The following PEX5L variants were observed in gnomAD, a reference collection of about 807,000 sequenced individuals.
The protein encoded by PEX5L is PEX5-related protein.
Under a neutral mutation model 84.0 loss-of-function variants are expected in PEX5L, and 30 were observed. The ratio of observed to expected loss-of-function variants is 0.36; its 90% confidence interval spans 0.27 to 0.48. The LOEUF (loss-of-function observed/expected upper bound fraction) is 0.48. Ranked by LOEUF, PEX5L falls within the 20% of genes least tolerant of loss-of-function variation. The pLI is 0.99. For missense variants in PEX5L, 533 were observed against 754.6 expected (o/e 0.71, Z 3.44); for synonymous variants, 270 against 283.1 (o/e 0.95, Z 0.46).
chr3:179,919,023 A>G (rs1174130480), intron 2 of PEX5L, among the ~76,000 whole-genome samples: 2 of 152,224 alleles, frequency 1.3e-5, no homozygotes, highest in Non-Finnish European at 2.9e-5. Flanking sequence ...AACATTCCAC[A>G]GGTTCTAGGG....
intron 1 of PEX5L, among the ~76,000 whole-genome samples, chr3:180,022,748 T>C (rs1286391451): frequency 6.6e-6 from 1 of 152,200 alleles, no homozygotes; most frequent in African/African-American, 2.4e-5. Context: ...TCAATATTAT[T>C]CTGGCCTTCT....
chr3:179,880,029 T>C lies in PEX5L; in HGVS notation c.405A>G (p.Ser135=). The change falls in exon 5 of 15, where the codon TCA becomes TCG. Residue 135 remains serine (S), a synonymous_variant. Coordinates refer to ENST00000467460, the MANE Select transcript of PEX5L (RefSeq NM_016559.3). ...AKKSEPSSKT[S]SLKKKADGSD... is the part of the protein sequence containing the mutation. The stretch of plus-strand genomic sequence containing the variant: ...ATCCATCGGCCTTTTTCTTGAGGGA[T>C]GAGGTTTTTGATGAGGGCTCTGACT... 1.9e-6 allele frequency: 3 copies of C among 1,614,016 alleles called. No homozygotes were observed. The highest frequency in any genetic ancestry group is 2.5e-6 in the Non-Finnish European group (3 of 1,179,918).
Position 179,923,301 on chromosome 3 carries a change from A to AAAC in PEX5L, c.94-25056_94-25055insGTT, listed in dbSNP as rs1553900534. Among the ~76,000 whole-genome samples, 86 of 143,310 alleles carry AAAC rather than the reference A, an allele frequency of 6.0e-4. 4 individuals carry two copies. The East Asian group carries it at 0.012, about 19-fold the overall frequency. 94.0% of individuals were successfully genotyped at this position (143,310 alleles called of 152,430 possible). A position where few individuals can be genotyped will look rare whatever the true frequency, so the allele number is the denominator to read the frequency against. On this transcript the variant is annotated intron_variant, in intron 2 of 14. Coordinates refer to ENST00000467460, the MANE Select transcript of PEX5L (RefSeq NM_016559.3). ...GCGAGACTCCATCTCAAAAAAAAAA[A>AAAC]AAAAAAAAAACACCCTCAAGTGAAT...
chr3:179,798,338 G>C lies in PEX5L; in HGVS notation c.*3490C>G, dbSNP rs1210021959. 6.6e-6 allele frequency: 1 copy of C among 152,090 alleles called. No homozygotes were observed. Among genetic ancestry groups the C allele is most frequent in the Non-Finnish European group, 1.5e-5 (1 of 68,032 alleles). 9.4% of individuals were successfully genotyped at this position (152,090 alleles called of 1,614,324 possible). Reference sequence around the variant, plus strand: ...GTGGACGAGATCTACCCATTTTTCAGGAGTCATGGGGAGTGAGTTTTGGAG... The same window carrying C: ...GTGGACGAGATCTACCCATTTTTCACGAGTCATGGGGAGTGAGTTTTGGAG... On this transcript the variant is annotated 3_prime_UTR_variant, in exon 15 of 15. Coordinates refer to ENST00000467460, the MANE Select transcript of PEX5L (RefSeq NM_016559.3).
chr3:179,988,687 C>G lies in PEX5L; in HGVS notation c.22-17022G>C, dbSNP rs186563210. ...TTTCTCAAGAAGGAACTTGCTGGTG[C>G]TCAGTTGTCTTTAAGTGTGTATGTA... is the stretch of plus-strand genomic sequence containing the variant. On this transcript the variant is annotated intron_variant, in intron 1 of 14. Transcript: ENST00000467460. 3.3e-3 allele frequency among the ~76,000 whole-genome samples: 498 copies of G among 152,290 alleles called. 8 individuals carry two copies. The highest frequency in any genetic ancestry group is 2.7e-3 in the East Asian group (14 of 5,182).
intron 2 of PEX5L, among the ~76,000 whole-genome samples, chr3:179,936,359 G>A (rs1774603187): frequency 6.6e-6 from 1 of 152,098 alleles, no homozygotes; most frequent in African/African-American, 2.4e-5. Context: ...GGAAGACAAA[G>A]GAATAAAAGA....
At chr3:179,921,361 G>A (rs1176928057) in intron 2 of PEX5L, among the ~76,000 whole-genome samples, 1 of 152,070 alleles carries the variant, frequency 6.6e-6, no homozygotes, top group South Asian at 2.1e-4. Flanking sequence ...AATCAAACAG[G>A]TGCTTAAGGA....
intron 7 of PEX5L, among the ~76,000 whole-genome samples, chr3:179,873,348 C>A (rs149108496): frequency 6.6e-6 from 1 of 152,114 alleles, no homozygotes; most frequent in Non-Finnish European, 1.5e-5. Flanking sequence ...TTGGTTTCAA[C>A]ATCTAGTAAG....
At chr3:179,989,586 T>C (rs1423386828) in intron 1 of PEX5L, among the ~76,000 whole-genome samples, 1 of 152,214 alleles carries the variant, frequency 6.6e-6, no homozygotes, top group Non-Finnish European at 1.5e-5. Context: ...GACATATTTA[T>C]ATCTCAATGT....
chr3:179,908,383 C>T (rs1486863092), intron 2 of PEX5L, among the ~76,000 whole-genome samples: 1 of 152,326 alleles, frequency 6.6e-6, no homozygotes, highest in African/African-American at 2.4e-5. Context: ...GGCACCAACA[C>T]CCAGACTGGA....
intron 1 of PEX5L, among the ~76,000 whole-genome samples, 159 bp downstream of exon 1, chr3:180,036,420 G>A (rs1486417504): frequency 1.3e-5 from 2 of 152,302 alleles, no homozygotes; most frequent in East Asian, 3.9e-4. Context: ...AACCGGTCTA[G>A]TTTTCCCGGC....
intron 2 of PEX5L, among the ~76,000 whole-genome samples, chr3:179,928,108 G>T (rs1461579340): frequency 6.6e-6 from 1 of 152,114 alleles, no homozygotes; most frequent in East Asian, 1.9e-4. Context: ...GGGACTATCT[G>T]CCTGTTCCTT....
intron 1 of PEX5L, among the ~76,000 whole-genome samples, chr3:179,997,869 A>T (rs1204183931): frequency 6.6e-6 from 1 of 152,228 alleles, no homozygotes; most frequent in Non-Finnish European, 1.5e-5. Context: ...TCAGCTGGCA[A>T]GACAAGCAAT....
At chr3:179,827,005 A>G (rs1425250675) in intron 8 of PEX5L, among the ~76,000 whole-genome samples, 1 of 152,204 alleles carries the variant, frequency 6.6e-6, no homozygotes, top group East Asian at 1.9e-4. Flanking sequence ...AAAAGAGATG[A>G]AGTTACTTGC....
At position 180,036,572 on chromosome 3, in the gene PEX5L, G is replaced by A. The variant is rs768442141; in HGVS notation, c.21+7C>T. The stretch of plus-strand genomic sequence containing the variant: ...GAATTCTCTCCAGCCCTATAGAAAT[G>A]TCTTACCTGCATGTGTCCCTGGTAC... On this transcript the variant is annotated splice_region_variant and intron_variant, in intron 1 of 14. Coordinates refer to ENST00000467460, the MANE Select transcript of PEX5L (RefSeq NM_016559.3). The A allele has an allele frequency of 6.2e-6, 10 of 1,613,776 alleles. No homozygotes were observed. The highest frequency in any genetic ancestry group is 8.5e-6 in the Non-Finnish European group (10 of 1,179,670).
chr3:180,003,356 C>T (rs1788596039), intron 1 of PEX5L, among the ~76,000 whole-genome samples: 1 of 150,946 alleles, frequency 6.6e-6, no homozygotes, highest in South Asian at 2.1e-4. Context: ...AAAAGACTGT[C>T]TAATTTATGT....
intron 1 of PEX5L, among the ~76,000 whole-genome samples, chr3:179,987,659 AC>A (rs1366796258): frequency 6.6e-6 from 1 of 151,956 alleles, no homozygotes; most frequent in Non-Finnish European, 1.5e-5. Flanking sequence ...CAATCCTCCT[AC>A]CCCCAACCTT....
intron 1 of PEX5L, among the ~76,000 whole-genome samples, chr3:179,996,365 G>A (rs536180719): frequency 3.3e-5 from 5 of 152,310 alleles, no homozygotes; most frequent in East Asian, 1.9e-4. Context: ...GGCCCACTAA[G>A]TAGGGACTCT....
chr3:180,007,320 C>A (rs1211616504), intron 1 of PEX5L, among the ~76,000 whole-genome samples: 1 of 152,162 alleles, frequency 6.6e-6, no homozygotes, highest in Admixed American at 6.5e-5. Flanking sequence ...AGGTGGGTTC[C>A]CGTGGTTTTG....
Sources: allele counts gnomAD v4.1 joint callset (sites outside exome capture counted in the v4.1 genomes callset), GRCh38; gene constraint gnomAD v4.1.1; transcripts MANE v1.5; gene names NCBI Gene and HGNC (gene_info 2026-07-23, HGNC 2026-07-21).